Variants in NTNG1 observed in about 807,000 individuals in gnomAD.
The protein encoded by NTNG1 is netrin G1.
NTNG1 carries 16 observed loss-of-function variants against 54.0 expected under a neutral mutation model. That is an observed-to-expected ratio of 0.30 (90% CI 0.20 to 0.45). The LOEUF is 0.45. Ranked by LOEUF, NTNG1 falls within the 20% of genes least tolerant of loss-of-function variation. NTNG1 has a pLI of 1.00. For missense variants in NTNG1, 530 were observed against 678.7 expected (o/e 0.78, Z 2.43); for synonymous variants, 255 against 263.1 (o/e 0.97, Z 0.30).
At chr1:107,379,399 T>C (rs1345977197) in intron 3 of NTNG1, among the ~76,000 whole-genome samples, 8 of 152,244 alleles carry the variant, frequency 5.3e-5, no homozygotes, top group African/African-American at 1.9e-4. Context: ...GGATCAACAG[T>C]GGCCTTCAGA....
At chr1:107,393,416 G>A (rs1291006678) in intron 3 of NTNG1, among the ~76,000 whole-genome samples, 1 of 152,064 alleles carries the variant, frequency 6.6e-6, no homozygotes, top group Non-Finnish European at 1.5e-5. Context: ...CCTGCATATA[G>A]GAGATTATTA....
intron 2 of NTNG1, among the ~76,000 whole-genome samples, chr1:107,247,334 G>C (rs945121671): frequency 1.3e-5 from 2 of 152,184 alleles, no homozygotes; most frequent in Non-Finnish European, 2.9e-5. Flanking sequence ...TGATGAAAAG[G>C]AGAGAAACAA....
chr1:107,368,114 T>G (rs910414733), intron 3 of NTNG1, among the ~76,000 whole-genome samples: 2 of 152,210 alleles, frequency 1.3e-5, no homozygotes, highest in East Asian at 3.9e-4. Flanking sequence ...TAGGAACCCC[T>G]TTCTTCTATC....
chr1:107,250,589 AAAAG>A (rs1662529228), intron 2 of NTNG1, among the ~76,000 whole-genome samples: 1 of 142,398 alleles, frequency 7.0e-6, no homozygotes, highest in Non-Finnish European at 1.6e-5. Flanking sequence ...TAAAAAAAAT[AAAAG>A]AAAGACAACT....
At chr1:107,395,534 A>G (rs1031118360) in intron 4 of NTNG1, 2 of 737,404 alleles carry the variant, frequency 2.7e-6, no homozygotes, top group East Asian at 2.6e-5. Context: ...TAACATTCAC[A>G]TCAAATGTGT....
At chr1:107,164,750 C>T (rs1655650097) in intron 2 of NTNG1, among the ~76,000 whole-genome samples, 1 of 152,192 alleles carries the variant, frequency 6.6e-6, no homozygotes, top group Non-Finnish European at 1.5e-5. Flanking sequence ...TACATTTTTA[C>T]AGCTGTTAGA....
chr1:107,320,261 C>T (rs1380280909), intron 2 of NTNG1, among the ~76,000 whole-genome samples: 2 of 152,104 alleles, frequency 1.3e-5, no homozygotes, highest in African/African-American at 4.8e-5. Flanking sequence ...GCTTTGTCCA[C>T]AATCAGCTAA....
intron 2 of NTNG1, among the ~76,000 whole-genome samples, chr1:107,284,977 C>T (rs1208575950): frequency 6.6e-6 from 1 of 152,056 alleles, no homozygotes; most frequent in Non-Finnish European, 1.5e-5. Flanking sequence ...ATGGATACAT[C>T]TCAGTGAATA....
intron 3 of NTNG1, among the ~76,000 whole-genome samples, chr1:107,385,083 G>T (rs546627120): frequency 2.2e-4 from 33 of 152,028 alleles, no homozygotes; most frequent in Non-Finnish European, 4.3e-4. Flanking sequence ...CTGTAATATT[G>T]TACTTAATTA....
At chr1:107,198,399 A>G (rs953438176) in intron 2 of NTNG1, among the ~76,000 whole-genome samples, 1 of 151,974 alleles carries the variant, frequency 6.6e-6, no homozygotes, top group African/African-American at 2.4e-5. Context: ...CTACTTTTGT[A>G]TATGCTTGAA....
intron 2 of NTNG1, among the ~76,000 whole-genome samples, chr1:107,316,730 C>T (rs1458473963): frequency 4.6e-5 from 7 of 152,128 alleles, no homozygotes; most frequent in South Asian, 2.1e-4. Context: ...TCTCTTTAGG[C>T]GCATGAGCAA....
chr1:107,297,247 GCGCA>G lies in NTNG1; in HGVS notation c.247-27033_247-27030del, dbSNP rs1305224132. ...TATATATATATATATATATATATAT[GCGCA>G]CACACACACACACACAGCAGTTAAG... is the stretch of plus-strand genomic sequence containing the variant. On this transcript the variant is annotated intron_variant, in intron 2 of 7. Coordinates refer to ENST00000370068, the MANE Select transcript of NTNG1 (RefSeq NM_001113226.3). Among the ~76,000 whole-genome samples the G allele has an allele frequency of 9.1e-3, 90 of 9,912 alleles. 5 individuals carry two copies. The highest frequency in any genetic ancestry group is 0.022 in the African/African-American group (66 of 3,042). 6.5% of individuals were successfully genotyped at this position (9,912 alleles called of 152,430 possible). A position where few individuals can be genotyped will look rare whatever the true frequency, so the allele number is the denominator to read the frequency against.
At chr1:107,184,455 GT>G (rs903168958) in intron 2 of NTNG1, among the ~76,000 whole-genome samples, 3 of 152,092 alleles carry the variant, frequency 2.0e-5, no homozygotes, top group African/African-American at 7.2e-5. Flanking sequence ...CCACTGAGTA[GT>G]TTTCTCACCC....
chr1:107,267,486 T>C (rs1232400970), intron 2 of NTNG1, among the ~76,000 whole-genome samples: 1 of 152,196 alleles, frequency 6.6e-6, no homozygotes, highest in East Asian at 1.9e-4. Flanking sequence ...CTGTAGCTTG[T>C]CCCGTACCCT....
At chr1:107,235,355 A>G (rs1661335745) in intron 2 of NTNG1, among the ~76,000 whole-genome samples, 1 of 152,232 alleles carries the variant, frequency 6.6e-6, no homozygotes, top group Non-Finnish European at 1.5e-5. Flanking sequence ...CCGGAGAGAC[A>G]GGCACATTAA....
chr1:107,231,197 T>A (rs902938681), intron 2 of NTNG1, among the ~76,000 whole-genome samples: 3 of 152,200 alleles, frequency 2.0e-5, no homozygotes, highest in Non-Finnish European at 2.9e-5. Context: ...AATGCCATGA[T>A]GGCCATGATG....
At chr1:107,472,728 TTTTTG>T (rs1173857711) in intron 7 of NTNG1, among the ~76,000 whole-genome samples, 1 of 152,242 alleles carries the variant, frequency 6.6e-6, no homozygotes, top group African/African-American at 2.4e-5. Context: ...AAAAGGTTTT[TTTTTG>T]TTTTGTTTTG....
intron 2 of NTNG1, among the ~76,000 whole-genome samples, chr1:107,222,853 C>T (rs113988676): frequency 0.068 from 9,160 of 134,902 alleles, 378 homozygotes; most frequent in Middle Eastern, 0.13. Flanking sequence ...ACAACATCAT[C>T]AATTCAGAAC....
intron 2 of NTNG1, among the ~76,000 whole-genome samples, chr1:107,180,182 G>A (rs1344826160): frequency 1.3e-5 from 2 of 152,082 alleles, no homozygotes; most frequent in African/African-American, 4.8e-5. Context: ...AAATGTATTC[G>A]TGTTCCTATA....
Sources: gnomAD v4.1 joint callset for allele counts (sites outside exome capture counted in the v4.1 genomes callset) on GRCh38, gnomAD v4.1.1 for gene constraint, MANE v1.5 for transcripts, NCBI Gene and HGNC (gene_info 2026-07-23, HGNC 2026-07-21) for gene names.